The following HMBOX1 variants were observed in gnomAD, a reference collection of about 807,000 sequenced individuals.
HMBOX1 encodes the protein homeobox-containing protein 1.
In HMBOX1, 14 loss-of-function variants were observed where a neutral mutation model predicts 54.5. The ratio of observed to expected loss-of-function variants is 0.26; its 90% CI spans 0.17 to 0.40. HMBOX1 has a LOEUF of 0.40. HMBOX1 is among the 10% of genes least tolerant of loss of function. The pLI, the probability that HMBOX1 is intolerant of heterozygous loss-of-function variation, is 1.00. For synonymous variants in HMBOX1, 160 were observed against 181.0 expected, an observed-to-expected ratio of 0.88 and a Z score of 0.93; for missense variants, 332 against 514.4, an observed-to-expected ratio of 0.65 and a Z score of 3.43.
At chr8:28,993,191 T>C (rs1469062933) in intron 4 of HMBOX1, among the ~76,000 whole-genome samples, 2 of 152,126 alleles carry the variant, frequency 1.3e-5, no homozygotes, top group Admixed American at 1.3e-4. Context: ...TAAACTATTT[T>C]TGCCTTTATT....
intron 6 of HMBOX1, among the ~76,000 whole-genome samples, chr8:29,029,005 A>AT (rs1253106931): frequency 2.0e-5 from 3 of 151,792 alleles, no homozygotes; most frequent in Non-Finnish European, 2.9e-5. Flanking sequence ...CATTTAGTAT[A>AT]TTTTTTCTTC....
intron 1 of HMBOX1, among the ~76,000 whole-genome samples, chr8:28,899,872 C>G (rs1345157288): frequency 6.6e-6 from 1 of 152,102 alleles, no homozygotes; most frequent in African/African-American, 2.4e-5. Context: ...TGGGGAGTCA[C>G]AGAGTTCTAA....
At chr8:29,031,833 A>G (rs1459723946) in intron 6 of HMBOX1, among the ~76,000 whole-genome samples, 2 of 152,158 alleles carry the variant, frequency 1.3e-5, no homozygotes, top group African/African-American at 4.8e-5. Context: ...ATGTCATGCA[A>G]GAGATGTGTA....
chr8:28,901,461 C>G (rs1346441923), intron 1 of HMBOX1, among the ~76,000 whole-genome samples: 1 of 152,024 alleles, frequency 6.6e-6, no homozygotes, highest in Non-Finnish European at 1.5e-5. Context: ...CTCCTCTCAC[C>G]TAATTTGTCA....
chr8:28,952,673 A>G (rs1823690695), intron 1 of HMBOX1, among the ~76,000 whole-genome samples: 1 of 152,248 alleles, frequency 6.6e-6, no homozygotes, highest in African/African-American at 2.4e-5. Flanking sequence ...ACAATTTTAG[A>G]AACTATAAAA....
At chr8:29,012,603 A>G (rs555103663) in intron 5 of HMBOX1, among the ~76,000 whole-genome samples, 1 of 152,366 alleles carries the variant, frequency 6.6e-6, no homozygotes, top group Non-Finnish European at 1.5e-5. Flanking sequence ...TGTGTTAGGA[A>G]CTGGGAAGAA....
In HMBOX1 at chr8:29,051,456, G is replaced by C. The variant is rs1261108706; in HGVS notation, c.*301G>C. 4.3e-6 allele frequency: 3 copies of C among 689,672 alleles called. No individual in the cohort carries two copies. The highest frequency in any genetic ancestry group is 5.3e-6 in the Non-Finnish European group (2 of 374,444). The allele number at this position is 689,672 out of a possible 1,614,324, so 42.7% of individuals were successfully genotyped here. On this transcript the variant is annotated 3_prime_UTR_variant, in exon 10 of 10. Transcript: ENST00000287701. ...CCAAGAAAGTGCTTCCAGGTATTTA[G>C]ATAGCCCTCAGTTCTCAAATATTAG... is the stretch of plus-strand genomic sequence containing the variant.
chr8:28,955,041 CTTCATTGCTCTACT>C (rs1824164517), intron 1 of HMBOX1, among the ~76,000 whole-genome samples: 1 of 152,110 alleles, frequency 6.6e-6, no homozygotes, highest in Admixed American at 6.5e-5. Flanking sequence ...TGGTAGGCGT[CTTCATTGCTCTACT>C]TGACTTCATG....
intron 1 of HMBOX1, among the ~76,000 whole-genome samples, chr8:28,928,171 C>G (rs1407488947): frequency 6.6e-6 from 1 of 151,768 alleles, no homozygotes; most frequent in Non-Finnish European, 1.5e-5. Context: ...CCATAAACAA[C>G]TGTTCTAAAG....
intron 4 of HMBOX1, among the ~76,000 whole-genome samples, chr8:28,984,904 A>G (rs1012129740): frequency 2.0e-5 from 3 of 152,206 alleles, no homozygotes; most frequent in African/African-American, 7.2e-5. Flanking sequence ...CTCTGAAGAA[A>G]TAAATACACA....
chr8:28,922,386 A>G (rs574755885), intron 1 of HMBOX1, among the ~76,000 whole-genome samples: 1 of 152,188 alleles, frequency 6.6e-6, no homozygotes, highest in Non-Finnish European at 1.5e-5. Context: ...CCTGAAACCA[A>G]TCGCCCAAAG....
intron 4 of HMBOX1, among the ~76,000 whole-genome samples, chr8:28,989,263 A>T (rs1830603920): frequency 6.6e-6 from 1 of 151,628 alleles, no homozygotes; most frequent in Non-Finnish European, 1.5e-5. Flanking sequence ...CAAGAGTGAA[A>T]CTCTGTCTCA....
intron 6 of HMBOX1, among the ~76,000 whole-genome samples, chr8:29,038,088 T>C (rs1165722458): frequency 6.6e-6 from 1 of 152,264 alleles, no homozygotes; most frequent in Non-Finnish European, 1.5e-5. Flanking sequence ...AGTCAGTCTC[T>C]GTCTTTTCTA....
At chr8:28,905,895 A>G (rs1814232447) in intron 1 of HMBOX1, among the ~76,000 whole-genome samples, 1 of 152,220 alleles carries the variant, frequency 6.6e-6, no homozygotes, top group Non-Finnish European at 1.5e-5. Flanking sequence ...TTTTCACTAA[A>G]GACTTGATTC....
At chr8:28,950,926 T>C (rs1158509722) in intron 1 of HMBOX1, among the ~76,000 whole-genome samples, 2 of 152,212 alleles carry the variant, frequency 1.3e-5, no homozygotes, top group Admixed American at 6.5e-5. Context: ...ATAATTCCTG[T>C]ACTAGGCTAT....
intron 4 of HMBOX1, among the ~76,000 whole-genome samples, chr8:28,986,609 A>G (rs1269527195): frequency 1.3e-5 from 2 of 152,340 alleles, no homozygotes; most frequent in African/African-American, 4.8e-5. Context: ...TCCAAATGGA[A>G]GAGGTTTAGA....
intron 1 of HMBOX1, among the ~76,000 whole-genome samples, chr8:28,907,307 C>CTAA (rs1814528249): frequency 6.6e-6 from 1 of 152,148 alleles, no homozygotes; most frequent in Non-Finnish European, 1.5e-5. Flanking sequence ...ATGTTCTTGT[C>CTAA]TAAAGTCTTA....
chr8:28,914,307 A>C (rs1431883953), intron 1 of HMBOX1, among the ~76,000 whole-genome samples: 1 of 152,224 alleles, frequency 6.6e-6, no homozygotes, highest in East Asian at 1.9e-4. Context: ...ATTGTCAAAG[A>C]GGATATTAGA....
intron 4 of HMBOX1, among the ~76,000 whole-genome samples, chr8:29,000,414 T>G (rs1228158794): frequency 6.6e-6 from 1 of 152,210 alleles, no homozygotes; most frequent in Non-Finnish European, 1.5e-5. Context: ...ACCTTCTAGA[T>G]TCCTAGGAAT....
Sources: gnomAD v4.1 joint callset for allele counts (sites outside exome capture counted in the v4.1 genomes callset) on GRCh38, gnomAD v4.1.1 for gene constraint, MANE v1.5 for transcripts, NCBI Gene and HGNC (gene_info 2026-07-23, HGNC 2026-07-21) for gene names.